Variants in NSUN2 observed in about 807,000 individuals in gnomAD.
NSUN2 encodes the protein RNA cytosine C(5)-methyltransferase NSUN2.
In NSUN2, 63 loss-of-function variants were observed where a neutral mutation model predicts 92.7. That is an observed-to-expected ratio of 0.68 (90% CI 0.56 to 0.84). NSUN2 has a LOEUF of 0.84. NSUN2 is among the 40% of genes least tolerant of loss of function. The probability of loss-of-function intolerance (pLI) is 0.00; values close to 1 mark genes in which losing one functional copy is unlikely to be tolerated. For synonymous variants in NSUN2, 356 were observed against 348.3 expected, an observed-to-expected ratio of 1.02 and a Z score of -0.25; for missense variants, 989 against 964.9, an observed-to-expected ratio of 1.02 and a Z score of -0.33.
Position 6,604,253 on chromosome 5 carries a change from A to C in NSUN2, c.1842T>G (p.Phe614Leu), listed in dbSNP as rs1196045041. The change falls in exon 17 of 19, where the codon TTT (phenylalanine) becomes TTG (leucine). Residue 614 changes from phenylalanine (F) to leucine (L), a missense_variant. Physicochemically the swap from Phe to Leu is conservative, Grantham distance 22 (BLOSUM62 0). This residue lies in a region of NSUN2 where 626 missense variants were observed against 602.3 expected (regional missense o/e 1.04). Transcript: ENST00000264670. Reference protein sequence around the residue: ...AQEGIYTLYPFINSRIITVSM... With the variant: ...AQEGIYTLYPLINSRIITVSM... ...ATACAGTAATAATTCTTGAGTTAAT[A>C]AATGGATACAATGTATATATTCCCT... is the stretch of plus-strand genomic sequence containing the variant. The C allele has an allele frequency of 6.3e-7, 1 of 1,598,380 alleles. No individual in the cohort carries two copies. Among genetic ancestry groups the C allele is most frequent in the Admixed American group, 1.7e-5 (1 of 59,884 alleles).
In NSUN2 at chr5:6,632,609, C is replaced by T. The variant is rs1420399463; in HGVS notation, c.244G>A (p.Gly82Ser). ...GCACTGCCTCCCTACCTTTTGTAAC[C>T]AGTAATTCTTAAAGTGGCCGGGAGC... Reference protein sequence around the residue: ...EPLPATLRITGYKSHAKEILH... With the variant: ...EPLPATLRITSYKSHAKEILH... The change falls in exon 2 of 19, where the codon GGT becomes AGT. Residue 82 changes from glycine to serine, a missense_variant. By Grantham distance (56) the Gly-to-Ser change is moderately conservative. Coordinates refer to ENST00000264670, the MANE Select transcript of NSUN2 (RefSeq NM_017755.6). The T allele has an allele frequency of 5.0e-6, 8 of 1,613,904 alleles. No homozygotes were observed. The African/African-American group carries it at 6.7e-5, about 13-fold the overall frequency.
Position 6,614,200 on chromosome 5 carries a change from C to T in NSUN2, c.1022-2402G>A, listed in dbSNP as rs186612073. On this transcript the variant is annotated intron_variant, in intron 9 of 18. Transcript: ENST00000264670. ...GGTGAAGTCTGAAAAGATCTGCAAGCGTTCACTCAGAAAACCAGCAGTAAC... is the reference window on the plus strand; with the variant it reads ...GGTGAAGTCTGAAAAGATCTGCAAGTGTTCACTCAGAAAACCAGCAGTAAC... Among the ~76,000 whole-genome samples, 15 of 150,874 alleles carry T rather than the reference C, an allele frequency of 9.9e-5. No homozygotes were observed. In the East Asian group the frequency reaches 2.7e-3, roughly 27 times the overall value.
At chr5:6,608,139 G>A (rs1430007128) in intron 12 of NSUN2, among the ~76,000 whole-genome samples, 1 of 152,156 alleles carries the variant, frequency 6.6e-6, no homozygotes, top group Non-Finnish European at 1.5e-5. Flanking sequence ...AGCATCCCAG[G>A]GAACACCTTT....
intron 9 of NSUN2, among the ~76,000 whole-genome samples, chr5:6,613,074 C>T (rs1251098719): frequency 6.6e-6 from 1 of 152,236 alleles, no homozygotes; most frequent in South Asian, 2.1e-4. Context: ...AAGCCACCCA[C>T]ATGCAAAAAG....
At chr5:6,616,944 T>C in intron 8 of NSUN2, 87 bp from the exon 9 acceptor site, 3 of 1,196,492 alleles carry the variant, frequency 2.5e-6, no homozygotes, top group South Asian at 2.0e-5. Context: ...ACATATTCAT[T>C]ACAAGCTTTT....
chr5:6,604,803 A>G, intron 15 of NSUN2, 118 bp from the exon 16 acceptor site: 1 of 788,336 alleles, frequency 1.3e-6, no homozygotes, highest in South Asian at 1.6e-5. Context: ...AGAAGCAGAA[A>G]CCCACCGAGA....
chr5:6,600,163 A>T lies in NSUN2; in HGVS notation c.2067T>A (p.Phe689Leu). ...GWRGKASIRTFVPKNERLHYL... is the reference protein window; with the variant it reads ...GWRGKASIRTLVPKNERLHYL... Reference sequence around the variant, plus strand: ...AATGAAGCCGTTCATTCTTGGGCACAAAAGTTCGAATGGAGGCCTTTCCCC... The same window carrying T: ...AATGAAGCCGTTCATTCTTGGGCACTAAAGTTCGAATGGAGGCCTTTCCCC... Residue 689 changes from phenylalanine (F) to leucine (L), a missense_variant, in exon 19 of 19, where the codon TTT (phenylalanine) becomes TTA (leucine). Phe to Leu is a conservative substitution (Grantham distance 22). This residue lies in a region of NSUN2 where 626 missense variants were observed against 602.3 expected (regional missense o/e 1.04). Transcript: ENST00000264670. 1.9e-6 allele frequency: 3 copies of T among 1,614,230 alleles called. No individual in the cohort carries two copies. The highest frequency in any genetic ancestry group is 2.5e-6 in the Non-Finnish European group (3 of 1,180,032).
Position 6,631,965 on chromosome 5 carries a change from C to T in NSUN2, c.267G>A (p.Glu89=), listed in dbSNP as rs1472338668. ...ATTTGTTCTTTAAGCAATGGAGAAT[C>T]TCTTTTGCGTGGCTATTGAAAAATA... ...RITGYKSHAK[E]ILHCLKNKYF... is the part of the protein sequence containing the mutation. Residue 89 remains glutamate (E), a synonymous_variant, in exon 3 of 19, where the codon GAG becomes GAA. Coordinates refer to ENST00000264670, the MANE Select transcript of NSUN2 (RefSeq NM_017755.6). The T allele has an allele frequency of 6.2e-7, 1 of 1,612,544 alleles. No homozygotes were observed. Among genetic ancestry groups the T allele is most frequent in the Non-Finnish European group, 8.5e-7 (1 of 1,179,174 alleles).
intron 18 of NSUN2, among the ~76,000 whole-genome samples, chr5:6,601,453 C>T (rs1035524070): frequency 1.3e-5 from 2 of 152,102 alleles, no homozygotes; most frequent in African/African-American, 4.8e-5. Context: ...GCCTCGCTGA[C>T]CTCTCCAGCC....
In NSUN2 at chr5:6,632,801, C is replaced by T. The variant is rs376722580; in HGVS notation, c.97-45G>A. 923 of 1,586,224 alleles carry T rather than the reference C, an allele frequency of 5.8e-4. 1 individual carries two copies. Among genetic ancestry groups the T allele is most frequent in the Non-Finnish European group, 7.4e-4 (862 of 1,167,090 alleles). On this transcript the variant is annotated intron_variant, in intron 1 of 18. Coordinates refer to ENST00000264670, the MANE Select transcript of NSUN2 (RefSeq NM_017755.6). ...TCTACCCCGAGGCCCAAGGAGCCGC[C>T]CCCTCGCCGCCGCCTCGCAGGCCTC... is the stretch of plus-strand genomic sequence containing the variant.
chr5:6,612,034 G>A (rs927228212), intron 9 of NSUN2, among the ~76,000 whole-genome samples: 2 of 152,216 alleles, frequency 1.3e-5, no homozygotes, highest in African/African-American at 4.8e-5. Flanking sequence ...GTCTGCTAGG[G>A]TGACGGGAAC....
In NSUN2 at chr5:6,600,110, A is replaced by G. The variant is rs778205090; in HGVS notation, c.2120T>C (p.Leu707Ser). The change falls in exon 19 of 19, where the codon TTG becomes TCG. Residue 707 changes from leucine to serine, a missense_variant. Transcript: ENST00000264670. ...AACCCCTTCCTTCTTCTTTTCTCCC[A>G]ATACCTCCAGCCCCATCATCCTGAG... ...HYLRMMGLEV[L>S]GEKKKEGVIL... 2.5e-5 allele frequency: 41 copies of G among 1,613,944 alleles called. No homozygotes were observed. Among genetic ancestry groups the G allele is most frequent in the African/African-American group, 1.1e-4 (8 of 74,862 alleles).
chr5:6,600,017 G>A lies in NSUN2; in HGVS notation c.2213C>T (p.Ala738Val). The A allele has an allele frequency of 6.2e-7, 1 of 1,614,208 alleles. No individual in the cohort carries two copies. The highest frequency in any genetic ancestry group is 1.6e-4 in the Middle Eastern group (1 of 6,062). ...TGCATCTGGGCTGTTGGGCTCTCCT[G>A]CTCTCTGTCCCTCAGTCACGTCATT... The part of the protein sequence containing the change: ...PDNDVTEGQR[A>V]GEPNSPDAEE... Residue 738 changes from alanine (A) to valine (V), a missense_variant, in exon 19 of 19, where the codon GCA (alanine) becomes GTA (valine). Physicochemically the swap from Ala to Val is moderately conservative, Grantham distance 64. Transcript: ENST00000264670.
chr5:6,605,547 C>T (rs573517607), intron 14 of NSUN2, 139 bp from the exon 15 acceptor site: 1 of 778,502 alleles, frequency 1.3e-6, no homozygotes, highest in African/African-American at 1.7e-5. Context: ...CTGCTCTGGA[C>T]TCCAGCTTCT....
chr5:6,626,626 G>A (rs947228718), intron 3 of NSUN2, among the ~76,000 whole-genome samples: 3 of 152,206 alleles, frequency 2.0e-5, no homozygotes. Flanking sequence ...TGGGATTACA[G>A]GCATGAGCCA....
chr5:6,607,552 G>C (rs1245054336), intron 12 of NSUN2, among the ~76,000 whole-genome samples, 168 bp from the exon 13 acceptor site: 1 of 152,176 alleles, frequency 6.6e-6, no homozygotes. Context: ...AAATCTACTT[G>C]CTATTATAAA....
intron 6 of NSUN2, chr5:6,620,967 A>C (rs1737412254): frequency 6.6e-6 from 1 of 152,234 alleles, no homozygotes; most frequent in Non-Finnish European, 1.5e-5. Context: ...ACAACTAAAA[A>C]CAGGGAAAAG....
intron 5 of NSUN2, among the ~76,000 whole-genome samples, chr5:6,622,999 G>A (rs1737511873): frequency 6.9e-6 from 1 of 145,402 alleles, no homozygotes; most frequent in African/African-American, 2.6e-5. Flanking sequence ...TAAAACTAAA[G>A]GGGAGAAAAT....
intron 3 of NSUN2, among the ~76,000 whole-genome samples, chr5:6,626,155 A>G (rs768870453): frequency 2.0e-5 from 3 of 152,172 alleles, no homozygotes; most frequent in Non-Finnish European, 4.4e-5. Context: ...CAGTTCAATA[A>G]TGCACTAAAA....
Sources: gnomAD v4.1 joint callset for allele counts (sites outside exome capture counted in the v4.1 genomes callset) on GRCh38, gnomAD v4.1.1 for gene constraint, gnomAD v4.1.1 regional missense constraint, MANE v1.5 for transcripts, NCBI Gene and HGNC (gene_info 2026-07-23, HGNC 2026-07-21) for gene names.